Variants in DNMBP observed in about 807,000 individuals in gnomAD.
DNMBP encodes the protein dynamin-binding protein.
A neutral mutation model predicts 150.0 loss-of-function variants in DNMBP; 87 were observed. The ratio of observed to expected loss-of-function variants is 0.58; its 90% CI spans 0.49 to 0.69. The LOEUF (loss-of-function observed/expected upper bound fraction) is 0.69. Among genes scored for constraint, DNMBP ranks in the 30% least tolerant of loss-of-function variants. The pLI is 0.00. For synonymous variants in DNMBP, 711 were observed against 750.4 expected (o/e 0.95, Z 0.86); for missense variants, 1,774 against 1,949.0 (o/e 0.91, Z 1.69).
intron 9 of DNMBP, 177 bp from the exon 10 acceptor site, chr10:99,896,574 C>T: frequency 3.2e-6 from 2 of 616,522 alleles, no homozygotes; most frequent in Non-Finnish European, 5.6e-6. Context: ...AGCAGAGAGA[C>T]AATGGGCAGC....
At chr10:99,884,327 T>G (rs995715695) in intron 14 of DNMBP, 118 bp from the exon 15 acceptor site, 32 of 849,588 alleles carry the variant, frequency 3.8e-5, no homozygotes, top group South Asian at 2.1e-4. Context: ...ACTGCCCATC[T>G]CACTCCCATC....
chr10:99,931,075 C>A, intron 4 of DNMBP: 1 of 275,074 alleles, frequency 3.6e-6, no homozygotes, highest in East Asian at 6.8e-5. Context: ...GGCTTGGCTG[C>A]TTTACTTGCT....
rs7067792 is a variant in DNMBP, at chr10:99,892,520, G to A, written c.3156+2426C>T. 5.1e-3 allele frequency among the ~76,000 whole-genome samples: 648 copies of A among 126,162 alleles called. 2 individuals carry two copies. Among genetic ancestry groups the A allele is most frequent in the African/African-American group, 0.014 (425 of 31,094 alleles). 82.8% of individuals were successfully genotyped at this position (126,162 alleles called of 152,430 possible). A position where few individuals can be genotyped will look rare whatever the true frequency, so the allele number is the denominator to read the frequency against. On this transcript the variant is annotated intron_variant, in intron 11 of 16. Coordinates refer to ENST00000324109, the MANE Select transcript of DNMBP (RefSeq NM_015221.4). ...ACTCAGGGTTAAATGGATTAAGGGC[G>A]GTGCAAGATGTGCTTTGTTAAACAG...
At chr10:99,897,365 T>C (rs2039670665) in intron 9 of DNMBP, among the ~76,000 whole-genome samples, 2 of 152,024 alleles carry the variant, frequency 1.3e-5, no homozygotes, top group African/African-American at 4.8e-5. Context: ...GGTGAGCAGA[T>C]TGGGGTTTTC....
intron 4 of DNMBP, among the ~76,000 whole-genome samples, chr10:99,942,341 T>C (rs1378848738): frequency 6.6e-6 from 1 of 152,238 alleles, no homozygotes; most frequent in African/African-American, 2.4e-5. Flanking sequence ...GATTGATTGC[T>C]ACTGTGACTC....
Position 99,957,201 on chromosome 10 carries a change from G to C in DNMBP, c.273C>G (p.Asp91Glu). The change falls in exon 4 of 17, where the codon GAC (aspartate) becomes GAG (glutamate). Residue 91 changes from aspartate to glutamate, a missense_variant. By Grantham distance (45) the Asp-to-Glu change is conservative. This residue lies in a region of DNMBP where 344 missense variants were observed against 456.6 expected (regional missense o/e 0.75). Coordinates refer to ENST00000324109, the MANE Select transcript of DNMBP (RefSeq NM_015221.4). ...ELDNLPLHRG[D>E]LVILDGIPTA... ...TGGGAATGCCATCGAGAATCACCAG[G>C]TCACCTAAAGAAAAGAGGAGCAGAG... 6.2e-7 allele frequency: 1 copy of C among 1,600,240 alleles called. No homozygotes were observed. The highest frequency in any genetic ancestry group is 8.5e-7 in the Non-Finnish European group (1 of 1,178,760).
chr10:99,948,965 AAAAT>A (rs55754467), intron 4 of DNMBP, among the ~76,000 whole-genome samples: 13,250 of 137,098 alleles, frequency 0.097, 763 homozygotes, highest in East Asian at 0.31. Context: ...CTCCATCTCA[AAAAT>A]AAATAAATAA....
chr10:99,955,669 G>C lies in DNMBP; in HGVS notation c.1805C>G (p.Pro602Arg), dbSNP rs531493013. The C allele has an allele frequency of 1.9e-6, 3 of 1,614,116 alleles. No individual in the cohort carries two copies. Among genetic ancestry groups the C allele is most frequent in the Non-Finnish European group, 2.5e-6 (3 of 1,180,040 alleles). Residue 602 changes from proline (P) to arginine (R), a missense_variant, in exon 4 of 17, where the codon CCG becomes CGG. By Grantham distance (103) the Pro-to-Arg change is moderately radical. This residue lies in a region of DNMBP where 1,430 missense variants were observed against 1,492.5 expected (regional missense o/e 0.96). Transcript: ENST00000324109. ...SSKLITEQEL[P>R]ERRKALRPPP... ...TGGCCTTAGGGCCTTTCTCCTTTCC[G>C]GCAGCTCCTGCTCGGTGATTAACTT...
intron 4 of DNMBP, among the ~76,000 whole-genome samples, chr10:99,919,102 C>CTCA (rs1351132643): frequency 2.6e-5 from 4 of 152,176 alleles, no homozygotes; most frequent in African/African-American, 9.7e-5. Context: ...GGTAATAGTG[C>CTCA]TCACGTTTTA....
chr10:99,914,349 C>T (rs1352209107), intron 4 of DNMBP, among the ~76,000 whole-genome samples: 1 of 152,048 alleles, frequency 6.6e-6, no homozygotes, highest in Non-Finnish European at 1.5e-5. Context: ...TGTTGTTTTG[C>T]GTGGGAAATG....
intron 1 of DNMBP, among the ~76,000 whole-genome samples, chr10:100,003,391 T>C (rs867355640): frequency 6.6e-4 from 100 of 151,910 alleles, no homozygotes; most frequent in African/African-American, 2.3e-3. Context: ...ATGAAGCATG[T>C]ATTTAGAGAT....
Position 99,896,399 on chromosome 10 carries a change from T to TA in DNMBP, c.2921-3dup. 1 of 1,614,122 alleles carries TA rather than the reference T, an allele frequency of 6.2e-7. No individual in the cohort carries two copies. Among genetic ancestry groups the TA allele is most frequent in the Non-Finnish European group, 8.5e-7 (1 of 1,179,990 alleles). On this transcript the variant is annotated splice_polypyrimidine_tract_variant and splice_region_variant and intron_variant, in intron 9 of 16. Transcript: ENST00000324109. ...CATCACCCTTACGGTACTTGAGGAC[T>TA]AGGGAGTAAGTCAGAAAAGCACTTT... is the stretch of plus-strand genomic sequence containing the variant.
chr10:99,904,053 C>T (rs780112008), intron 6 of DNMBP, among the ~76,000 whole-genome samples: 2 of 151,946 alleles, frequency 1.3e-5, no homozygotes, highest in South Asian at 2.1e-4. Context: ...TGAGCCAACA[C>T]GCCCGGCTGA....
intron 4 of DNMBP, among the ~76,000 whole-genome samples, chr10:99,924,421 C>T (rs1180568571): frequency 3.3e-5 from 5 of 152,122 alleles, no homozygotes; most frequent in African/African-American, 7.2e-5. Context: ...CCAGCCCGGG[C>T]GACAGAGCGA....
rs780466144 is a variant in DNMBP, at chr10:99,880,044, C to G, written c.4315G>C (p.Asp1439His). 1 of 1,614,038 alleles carries G rather than the reference C, an allele frequency of 6.2e-7. No individual in the cohort carries two copies. The highest frequency in any genetic ancestry group is 8.5e-7 in the Non-Finnish European group (1 of 1,180,034). ...CCTGACCTTGGCTGGGAGGTGGAGT[C>G]TGGGTCTGAAGGGCATCTGGAAGGA... is the stretch of plus-strand genomic sequence containing the variant. ...SSPSRCPSDP[D>H]STSQPRSGDS... The change falls in exon 16 of 17, where the codon GAC becomes CAC. Residue 1439 changes from aspartate to histidine, a missense_variant. Around this residue, in one of 2 missense-constraint regions of DNMBP, gnomAD observed 1,430 missense variants for 1,492.5 expected, o/e 0.96. Coordinates refer to ENST00000324109, the MANE Select transcript of DNMBP (RefSeq NM_015221.4).
intron 9 of DNMBP, 50 bp from the exon 10 acceptor site, chr10:99,896,447 A>G (rs775683742): frequency 6.2e-7 from 1 of 1,601,278 alleles, no homozygotes. Context: ...CATACTACAA[A>G]ATGAGCCATA....
At chr10:99,895,149 G>A (rs1175171706) in intron 10 of DNMBP, 99 bp from the exon 11 acceptor site, 36 of 653,182 alleles carry the variant, frequency 5.5e-5, no homozygotes, top group South Asian at 3.7e-4. Flanking sequence ...TTGTGGAGAC[G>A]GAGTTTTGCT....
At chr10:99,938,771 A>G (rs1302446929) in intron 4 of DNMBP, among the ~76,000 whole-genome samples, 4 of 152,244 alleles carry the variant, frequency 2.6e-5, no homozygotes, top group African/African-American at 9.6e-5. Context: ...ATCTGTGTAC[A>G]GAGAAAGTGG....
rs1047983033 is a variant in DNMBP, at chr10:99,931,985, C to T, written c.2261-22839G>A. Among the ~76,000 whole-genome samples, 10 of 152,240 alleles carry T rather than the reference C, an allele frequency of 6.6e-5. No individual in the cohort carries two copies. In the East Asian group the frequency reaches 7.7e-4, roughly 12 times the overall value. On this transcript the variant is annotated intron_variant, in intron 4 of 16. Transcript: ENST00000324109. ...GGGGAATCATCTGAAGGATATAATA[C>T]GTGGAAAATAAGAGAGGAGGCTGAA...
Sources: gnomAD v4.1 joint callset for allele counts (sites outside exome capture counted in the v4.1 genomes callset) on GRCh38, gnomAD v4.1.1 for gene constraint, gnomAD v4.1.1 regional missense constraint, MANE v1.5 for transcripts, NCBI Gene and HGNC (gene_info 2026-07-23, HGNC 2026-07-21) for gene names.